HIVEP3: variants seen among roughly 807,000 people sequenced by gnomAD.
The protein encoded by HIVEP3 is transcription factor HIVEP3.
Under a neutral mutation model 152.8 loss-of-function variants are expected in HIVEP3, and 49 were observed. That is an observed-to-expected ratio of 0.32 (90% CI 0.26 to 0.41). HIVEP3 has a LOEUF of 0.41. HIVEP3 is among the 10% of genes least tolerant of loss of function. HIVEP3 has a pLI of 1.00. For synonymous variants in HIVEP3, 1,269 were observed against 1,289.0 expected (o/e 0.98, Z 0.33); for missense variants, 2,790 against 3,103.3 (o/e 0.90, Z 2.40).
chr1:41,624,370 C>T lies in HIVEP3; in HGVS notation c.-522+4379G>A, dbSNP rs545679633. 7.2e-5 allele frequency among the ~76,000 whole-genome samples: 11 copies of T among 152,190 alleles called. No homozygotes were observed. The East Asian group carries it at 1.2e-3, about 16-fold the overall frequency. ...CTCCTATTCTAACAGAAAACGAGCA[C>T]GTACACACATTCAAACATGCTCTAT... On this transcript the variant is annotated intron_variant, in intron 3 of 8. Coordinates refer to ENST00000372583, the MANE Select transcript of HIVEP3 (RefSeq NM_024503.5).
intron 1 of HIVEP3, among the ~76,000 whole-genome samples, chr1:41,770,594 T>A (rs1648291958): frequency 6.6e-6 from 1 of 152,194 alleles, no homozygotes; most frequent in Admixed American, 6.5e-5. Context: ...GGGACAGCAC[T>A]TCTACCATAT....
chr1:41,714,274 TG>T (rs1646557260), intron 1 of HIVEP3, among the ~76,000 whole-genome samples: 1 of 148,854 alleles, frequency 6.7e-6, no homozygotes, highest in Non-Finnish European at 1.5e-5. Flanking sequence ...GAGAGGGAGG[TG>T]GGGATGGAAA....
At chr1:41,525,861 G>A (rs965485108) in intron 5 of HIVEP3, among the ~76,000 whole-genome samples, 10 of 152,098 alleles carry the variant, frequency 6.6e-5, no homozygotes, top group Non-Finnish European at 1.0e-4. Flanking sequence ...CAGGGGGCGC[G>A]CCAGGAGAGG....
chr1:41,794,826 C>T (rs1449428368), intron 1 of HIVEP3, among the ~76,000 whole-genome samples: 1 of 152,152 alleles, frequency 6.6e-6, no homozygotes, highest in Non-Finnish European at 1.5e-5. Flanking sequence ...CTTAGAATTA[C>T]AGGAAAATTG....
rs1644391245 is a variant in HIVEP3 at position 41,507,157 on chromosome 1, C to T, written c.*3294G>A. The T allele has an allele frequency of 6.6e-6, 1 of 152,160 alleles. No homozygotes were observed. The highest frequency in any genetic ancestry group is 6.5e-5 in the Admixed American group (1 of 15,276). 9.4% of individuals were successfully genotyped at this position (152,160 alleles called of 1,614,324 possible). ...ATCCAGCTCAGATGTATTGCTCATTCCTCTTCAGAAGGACTGGGTGGGAAT... is the reference window on the plus strand; with the variant it reads ...ATCCAGCTCAGATGTATTGCTCATTTCTCTTCAGAAGGACTGGGTGGGAAT... On this transcript the variant is annotated 3_prime_UTR_variant, in exon 9 of 9. Transcript: ENST00000372583.
intron 1 of HIVEP3, among the ~76,000 whole-genome samples, chr1:41,949,033 A>T (rs939410029): frequency 3.3e-5 from 5 of 152,324 alleles, no homozygotes; most frequent in South Asian, 4.1e-4. Flanking sequence ...AAAATTTAGC[A>T]ATACTATAGA....
intron 5 of HIVEP3, among the ~76,000 whole-genome samples, chr1:41,561,132 T>C (rs1006126710): frequency 2.6e-5 from 4 of 152,190 alleles, no homozygotes; most frequent in African/African-American, 9.7e-5. Context: ...ACCCTGCACA[T>C]TCACATCTGG....
chr1:41,536,657 T>G (rs530139842), intron 5 of HIVEP3, among the ~76,000 whole-genome samples: 4 of 152,234 alleles, frequency 2.6e-5, no homozygotes, highest in Non-Finnish European at 4.4e-5. Context: ...TCACATGAAG[T>G]TGTTACATCT....
chr1:42,015,532 C>T (rs915436248), intron 1 of HIVEP3, among the ~76,000 whole-genome samples: 1 of 152,248 alleles, frequency 6.6e-6, no homozygotes, highest in African/African-American at 2.4e-5. Flanking sequence ...TTCCTCCTTC[C>T]CTCCAGCTCT....
rs533400034 is a variant in HIVEP3 at position 41,914,753 on chromosome 1, C to T, written c.-801+3660G>A. On this transcript the variant is annotated intron_variant, in intron 1 of 8. Transcript: ENST00000372583. ...GAACAACATCCGGGTAGTGGTAAGT[C>T]TACATTTGCTACACAGATGTAAGAA... Among the ~76,000 whole-genome samples the T allele has an allele frequency of 1.1e-4, 16 of 152,268 alleles. No individual in the cohort carries two copies. In the South Asian group the frequency reaches 3.1e-3, roughly 30 times the overall value.
chr1:41,592,283 G>A (rs1231547044), intron 3 of HIVEP3, among the ~76,000 whole-genome samples: 2 of 152,210 alleles, frequency 1.3e-5, no homozygotes, highest in Admixed American at 1.3e-4. Context: ...GTGACCCTAG[G>A]TAAGGCACTT....
intron 7 of HIVEP3, among the ~76,000 whole-genome samples, chr1:41,515,983 G>A (rs1276508687): frequency 3.9e-5 from 6 of 152,194 alleles, no homozygotes; most frequent in Middle Eastern, 3.2e-3. Context: ...CAGGACCAGC[G>A]TCTCCTGATG....
upstream of HIVEP3, among the ~76,000 whole-genome samples, chr1:41,923,492 C>T (rs549138021): frequency 3.3e-5 from 5 of 151,578 alleles, no homozygotes; most frequent in African/African-American, 7.3e-5. Flanking sequence ...GAGGAGGTGG[C>T]GGGGGGAAGG....
chr1:41,679,883 G>A (rs1646012119), intron 2 of HIVEP3, among the ~76,000 whole-genome samples: 1 of 152,224 alleles, frequency 6.6e-6, no homozygotes, highest in East Asian at 1.9e-4. Context: ...GGGAGGCAGG[G>A]CATCTATCTG....
At chr1:41,548,916 C>T (rs1643865997) in intron 5 of HIVEP3, among the ~76,000 whole-genome samples, 1 of 151,992 alleles carries the variant, frequency 6.6e-6, no homozygotes. Flanking sequence ...TACATGTACA[C>T]TAAGTGCAGG....
chr1:41,943,298 G>A (rs1239860171), intron 1 of HIVEP3, among the ~76,000 whole-genome samples: 4 of 152,106 alleles, frequency 2.6e-5, no homozygotes, highest in African/African-American at 7.2e-5. Flanking sequence ...AAAGAACAAT[G>A]GGAAGAGGAT....
rs1439914805 is a variant in HIVEP3, at chr1:41,662,189, G to A, written c.-720-33242C>T. ...GCTGGGCTGCGCCGCGCTGGACTGG[G>A]CTGCGCTGGGCTGCGCGCCCGGCCT... On this transcript the variant is annotated intron_variant, in intron 2 of 8. Coordinates refer to ENST00000372583, the MANE Select transcript of HIVEP3 (RefSeq NM_024503.5). This position sits in a 1 kb window ranked among gnomAD's most constrained non-coding sequence, Gnocchi z 7.2. 1.4e-5 allele frequency: 2 copies of A among 146,714 alleles called. No homozygotes were observed. Among genetic ancestry groups the A allele is most frequent in the Non-Finnish European group, 3.0e-5 (2 of 65,974 alleles). 9.1% of individuals were successfully genotyped at this position (146,714 alleles called of 1,614,324 possible).
At position 41,513,640 on chromosome 1, in the gene HIVEP3, C is replaced by T. The variant is rs1402834524; in HGVS notation, c.5581G>A (p.Glu1861Lys). 13 of 1,613,798 alleles carry T rather than the reference C, an allele frequency of 8.1e-6. No homozygotes were observed. Among genetic ancestry groups the T allele is most frequent in the East Asian group, 2.2e-5 (1 of 44,888 alleles). ...EDSDSDSDLD[E>K]DEDEDEEESQ... ...TCCTCCTCATCCTCATCCTCGTCTTCGTCCAGGTCTGAGTCTGAGTCCGAG... is the reference window on the plus strand; with the variant it reads ...TCCTCCTCATCCTCATCCTCGTCTTTGTCCAGGTCTGAGTCTGAGTCCGAG... The change falls in exon 8 of 9, where the codon GAA (glutamate) becomes AAA (lysine). Residue 1861 changes from glutamate to lysine, a missense_variant. Around this residue, in one of 9 missense-constraint regions of HIVEP3, gnomAD observed 816 missense variants for 806.5 expected, o/e 1.01. Transcript: ENST00000372583.
intron 2 of HIVEP3, among the ~76,000 whole-genome samples, chr1:41,670,428 G>A (rs936506543): frequency 1.3e-5 from 2 of 152,166 alleles, no homozygotes; most frequent in African/African-American, 4.8e-5. Flanking sequence ...CATCCCCCCT[G>A]AATTCATGCA....
Sources: gnomAD v4.1 joint callset for allele counts (sites outside exome capture counted in the v4.1 genomes callset) on GRCh38, gnomAD v4.1.1 for gene constraint, gnomAD v4.1.1 regional missense constraint, Gnocchi (gnomAD v3.1) non-coding constraint, MANE v1.5 for transcripts, NCBI Gene and HGNC (gene_info 2026-07-23, HGNC 2026-07-21) for gene names.